Variants in SRPK2 observed in about 807,000 individuals in gnomAD.
The protein encoded by SRPK2 is SFRS protein kinase 2.
Under a neutral mutation model 90.8 loss-of-function variants are expected in SRPK2, and 21 were observed. That is an observed-to-expected ratio of 0.23 (90% CI 0.16 to 0.33). The LOEUF (loss-of-function observed/expected upper bound fraction) is 0.33. Among genes scored for constraint, SRPK2 ranks in the 10% least tolerant of loss-of-function variants. The pLI is 1.00. For missense variants in SRPK2, 620 were observed against 869.0 expected (o/e 0.71, Z 3.60); for synonymous variants, 288 against 311.1 (o/e 0.93, Z 0.78).
At position 105,124,642 on chromosome 7, in the gene SRPK2, A is replaced by AAAAAAAAAAT. The variant is rs1800894815; in HGVS notation, c.1915+1605_1915+1606insATTTTTTTTT. Among the ~76,000 whole-genome samples, 3 of 143,272 alleles carry AAAAAAAAAAT rather than the reference A, an allele frequency of 2.1e-5. No individual in the cohort carries two copies. In the South Asian group the frequency reaches 6.5e-4, roughly 31 times the overall value. The allele number at this position is 143,272 out of a possible 152,430, so 94.0% of individuals were successfully genotyped here. Reference sequence around the variant, plus strand: ...GACAACAAGAGCAAAACTCCATCTAAAAAAAAAAAAAAAAAAATCAATGTG... The same window carrying AAAAAAAAAAT: ...GACAACAAGAGCAAAACTCCATCTAAAAAAAAAAATAAAAAAAAAAAAAAAAATCAATGTG... On this transcript the variant is annotated intron_variant, in intron 15 of 15. Transcript: ENST00000393651.
intron 2 of SRPK2, chr7:105,204,675 G>A: frequency 1.0e-6 from 1 of 990,986 alleles, no homozygotes; most frequent in African/African-American, 1.6e-5. Flanking sequence ...GGGCATTTCT[G>A]CAACGGCAGC....
At chr7:105,139,008 T>C (rs577145126) in intron 11 of SRPK2, among the ~76,000 whole-genome samples, 1 of 152,298 alleles carries the variant, frequency 6.6e-6, no homozygotes, top group African/African-American at 2.4e-5. Flanking sequence ...GTGGAGGATA[T>C]ACAGTTGTTT....
At chr7:105,362,006 C>G (rs150612316) in intron 2 of SRPK2, among the ~76,000 whole-genome samples, 1 of 152,078 alleles carries the variant, frequency 6.6e-6, no homozygotes, top group Non-Finnish European at 1.5e-5. Flanking sequence ...AGCTTCTGCA[C>G]AGCAAAAGAA....
rs73717963 is a variant in SRPK2, at chr7:105,132,686, A to C, written c.1752+105T>G. 25 of 879,848 alleles carry C rather than the reference A, an allele frequency of 2.8e-5. No individual in the cohort carries two copies. The Admixed American group carries it at 4.3e-4, about 15-fold the overall frequency. 54.5% of individuals were successfully genotyped at this position (879,848 alleles called of 1,614,324 possible). ...CCAGCCCACGGTGGATGACCCTTAC[A>C]GTCAGAAAAACTGAGGTCGCATGCC... On this transcript the variant is annotated intron_variant, in intron 13 of 15. Coordinates refer to ENST00000393651, the MANE Select transcript of SRPK2 (RefSeq NM_182692.3).
intron 2 of SRPK2, among the ~76,000 whole-genome samples, chr7:105,376,626 C>A (rs1032563777): frequency 1.3e-5 from 2 of 151,086 alleles, no homozygotes; most frequent in Admixed American, 1.3e-4. Flanking sequence ...GCAACCTCCA[C>A]CTCTCAGGTT....
At chr7:105,325,551 CA>C (rs34722293) in intron 2 of SRPK2, among the ~76,000 whole-genome samples, 53,435 of 71,576 alleles carry the variant, frequency 0.75, 18,428 homozygotes, top group South Asian at 0.8. Context: ...TTTCTCAAGG[CA>C]AAAAAAAAAA....
At chr7:105,308,361 A>C (rs1216099013) in intron 2 of SRPK2, among the ~76,000 whole-genome samples, 1 of 152,192 alleles carries the variant, frequency 6.6e-6, no homozygotes, top group Admixed American at 6.5e-5. Context: ...ATTCTTGAGC[A>C]GGCTGGATGT....
chr7:105,313,737 C>T (rs570359660), intron 2 of SRPK2, among the ~76,000 whole-genome samples: 7 of 151,152 alleles, frequency 4.6e-5, no homozygotes, highest in Non-Finnish European at 1.0e-4. Context: ...GACAACAGAG[C>T]GAGACTCTGT....
At position 105,265,971 on chromosome 7, in the gene SRPK2, G is replaced by A. The variant is rs1005140488; in HGVS notation, c.72-62186C>T. Among the ~76,000 whole-genome samples, 8 of 151,808 alleles carry A rather than the reference G, an allele frequency of 5.3e-5. 1 individual carries two copies. The highest frequency in any genetic ancestry group is 4.1e-4 in the South Asian group (2 of 4,826). ...ACACAAAACCAAAAAATAAACTAAC[G>A]TTTTGTAACCCTGATAGTTTTGATC... is the stretch of plus-strand genomic sequence containing the variant. On this transcript the variant is annotated intron_variant, in intron 2 of 15. Transcript: ENST00000393651.
chr7:105,166,846 G>A (rs1237638390), intron 6 of SRPK2, among the ~76,000 whole-genome samples: 1 of 152,144 alleles, frequency 6.6e-6, no homozygotes, highest in East Asian at 1.9e-4. Flanking sequence ...TTATTTGAAA[G>A]GCTCAGTTGT....
In SRPK2 at chr7:105,328,561, C is replaced by CAAAA. The variant is rs1192103331; in HGVS notation, c.71+60083_71+60086dup. 5.3e-4 allele frequency among the ~76,000 whole-genome samples: 25 copies of CAAAA among 47,178 alleles called. 2 individuals carry two copies. Among genetic ancestry groups the CAAAA allele is most frequent in the South Asian group, 9.7e-4 (1 of 1,028 alleles). 31.0% of individuals were successfully genotyped at this position (47,178 alleles called of 152,430 possible). ...TCAGTGACAGAGCCAGGCTCTGTCT[C>CAAAA]AAAAAAAAAAAAAAAAAAAAAGGCC... On this transcript the variant is annotated intron_variant, in intron 2 of 15. Transcript: ENST00000393651.
chr7:105,215,379 A>T (rs1797335841), intron 2 of SRPK2, among the ~76,000 whole-genome samples: 1 of 152,212 alleles, frequency 6.6e-6, no homozygotes, highest in Non-Finnish European at 1.5e-5. Context: ...AAGAGAACCC[A>T]CAAGTATTGA....
At chr7:105,379,090 G>C (rs1251836010) in intron 2 of SRPK2, among the ~76,000 whole-genome samples, 2 of 151,926 alleles carry the variant, frequency 1.3e-5, no homozygotes, top group South Asian at 2.1e-4. Context: ...CCAGGAATTT[G>C]AGGTGGCAGT....
At chr7:105,359,151 T>C (rs957779410) in intron 2 of SRPK2, among the ~76,000 whole-genome samples, 11 of 2,782 alleles carry the variant, frequency 4.0e-3, no homozygotes, top group Non-Finnish European at 0.026. Context: ...AAACCACAGC[T>C]TTTTTTTTTT....
At chr7:105,397,254 G>A (rs532797945) in intron 1 of SRPK2, among the ~76,000 whole-genome samples, 1 of 151,686 alleles carries the variant, frequency 6.6e-6, no homozygotes, top group East Asian at 2.0e-4. Flanking sequence ...TTGACGTCGT[G>A]ATCCACCCGC....
chr7:105,372,073 C>T (rs2132464541), intron 2 of SRPK2, among the ~76,000 whole-genome samples: 1 of 147,270 alleles, frequency 6.8e-6, no homozygotes, highest in African/African-American at 2.5e-5. Flanking sequence ...AGGCGGAGGC[C>T]GCAGTGAGCC....
chr7:105,381,651 T>C (rs188795526), intron 2 of SRPK2, among the ~76,000 whole-genome samples: 2 of 152,332 alleles, frequency 1.3e-5, no homozygotes, highest in Admixed American at 1.3e-4. Context: ...CACTAGGTAT[T>C]TGCTTCGTGT....
chr7:105,279,193 C>T (rs1400568521), intron 2 of SRPK2, among the ~76,000 whole-genome samples: 1 of 151,816 alleles, frequency 6.6e-6, no homozygotes, highest in African/African-American at 2.4e-5. Context: ...AGTGGGGGTG[C>T]CAGAGGGCGG....
chr7:105,306,556 G>T (rs575379075), intron 2 of SRPK2: 1 of 442,474 alleles, frequency 2.3e-6, no homozygotes, highest in Admixed American at 2.6e-5. Flanking sequence ...CCTTGAAGCA[G>T]CAGGATGTAC....
Sources: gnomAD v4.1 joint callset for allele counts (sites outside exome capture counted in the v4.1 genomes callset) on GRCh38, gnomAD v4.1.1 for gene constraint, MANE v1.5 for transcripts, NCBI Gene and HGNC (gene_info 2026-07-23, HGNC 2026-07-21) for gene names.